CROCC2: variants seen among roughly 807,000 people sequenced by gnomAD.
CROCC2 encodes ciliary rootlet coiled-coil protein 2.
Under a neutral mutation model 177.6 loss-of-function variants are expected in CROCC2, and 163 were observed. That is an observed-to-expected ratio of 0.92 (90% CI 0.81 to 1.05). CROCC2 has a LOEUF of 1.05. Ranked by LOEUF, CROCC2 falls within the 50% of genes least tolerant of loss-of-function variation. The pLI is 0.00. For missense variants in CROCC2, 1,929 were observed against 1,797.8 expected (o/e 1.07, Z -1.32); for synonymous variants, 904 against 787.3 (o/e 1.15, Z -2.48).
intron 27 of CROCC2, among the ~76,000 whole-genome samples, chr2:240,974,664 C>T (rs1349807458): frequency 2.0e-5 from 3 of 151,614 alleles, no homozygotes; most frequent in Non-Finnish European, 2.9e-5. Flanking sequence ...GCCACCACAC[C>T]CAGCCAACAC....
chr2:240,971,609 G>A (rs1470912742), intron 27 of CROCC2, among the ~76,000 whole-genome samples: 1 of 152,124 alleles, frequency 6.6e-6, no homozygotes, highest in African/African-American at 2.4e-5. Context: ...CAAAATGTGG[G>A]CGTGTCGGCC....
intron 1 of CROCC2, among the ~76,000 whole-genome samples, chr2:240,916,077 G>A (rs2059318402): frequency 6.6e-6 from 1 of 152,160 alleles, no homozygotes; most frequent in Admixed American, 6.5e-5. Flanking sequence ...GGCGCAGGTG[G>A]CAGCGCAGAG....
intron 14 of CROCC2, among the ~76,000 whole-genome samples, chr2:240,945,400 T>C (rs1307551447): frequency 3.3e-5 from 5 of 152,216 alleles, no homozygotes; most frequent in African/African-American, 9.6e-5. Context: ...CAACTTGATG[T>C]CTTGTGATAT....
chr2:240,929,142 G>T (rs2059412139), intron 5 of CROCC2, among the ~76,000 whole-genome samples: 1 of 152,150 alleles, frequency 6.6e-6, no homozygotes, highest in Non-Finnish European at 1.5e-5. Flanking sequence ...GGAATCTCAG[G>T]TGTGGGATCA....
chr2:240,962,428 C>T (rs1403331296), intron 20 of CROCC2, among the ~76,000 whole-genome samples: 4 of 151,980 alleles, frequency 2.6e-5, no homozygotes, highest in South Asian at 2.1e-4. Context: ...ACCTTCTGGG[C>T]GGGTTTCTGC....
In CROCC2 at chr2:240,953,962, C is replaced by T. The variant is rs1399059166; in HGVS notation, c.2830-1897C>T. On this transcript the variant is annotated intron_variant, in intron 18 of 31. Transcript: ENST00000690015. This position sits in a 1 kb window ranked among gnomAD's most constrained non-coding sequence, Gnocchi z 4.0. ...TTGCCTAAAATTCTAATAAATACTC[C>T]CTTGCTGTGTCCAGTAATGAGGGGT... 6.6e-6 allele frequency among the ~76,000 whole-genome samples: 1 copy of T among 152,140 alleles called. No homozygotes were observed. Among genetic ancestry groups the T allele is most frequent in the East Asian group, 1.9e-4 (1 of 5,192 alleles).
rs541906873 is a variant in CROCC2, at chr2:240,986,585, G to A, written c.4552-2154G>A. ...CCACCTCCAGCGTCCTGGGGGACTC[G>A]AGCTTGTTCTCCTTGGGAAGTTTGT... On this transcript the variant is annotated intron_variant, in intron 28 of 31. Transcript: ENST00000690015. Among the ~76,000 whole-genome samples the A allele has an allele frequency of 3.9e-5, 6 of 152,348 alleles. 1 individual carries two copies. The highest frequency in any genetic ancestry group is 4.1e-4 in the South Asian group (2 of 4,830).
At chr2:240,971,129 GC>G (rs1210289202) in intron 27 of CROCC2, among the ~76,000 whole-genome samples, 4 of 152,110 alleles carry the variant, frequency 2.6e-5, no homozygotes, top group Non-Finnish European at 5.9e-5. Context: ...TGCACCCCAC[GC>G]CCCCCATCTC....
chr2:240,946,735 C>G (rs2059526851), intron 15 of CROCC2, among the ~76,000 whole-genome samples: 3 of 152,238 alleles, frequency 2.0e-5, no homozygotes, highest in Admixed American at 2.0e-4. Flanking sequence ...CCAGCAGATG[C>G]AGAGCACCCT....
At chr2:240,967,790 C>T (rs1468605089) in intron 26 of CROCC2, among the ~76,000 whole-genome samples, 1 of 152,082 alleles carries the variant, frequency 6.6e-6, no homozygotes. Flanking sequence ...CCTGGCTGTG[C>T]CCTCTGCCTG....
intron 1 of CROCC2, among the ~76,000 whole-genome samples, chr2:240,913,621 G>A (rs1559587326): frequency 6.6e-6 from 1 of 152,262 alleles, no homozygotes; most frequent in Non-Finnish European, 1.5e-5. Context: ...GGTCCTGCCT[G>A]CAGGGGTGGC....
At chr2:240,988,714 G>A in intron 28 of CROCC2, 25 bp from the exon 29 acceptor site, 1 of 1,353,378 alleles carries the variant, frequency 7.4e-7, no homozygotes, top group Non-Finnish European at 9.6e-7. Flanking sequence ...GAGGCCACAG[G>A]TTCTGCCTCC....
chr2:240,958,623 C>T lies in CROCC2; in HGVS notation c.2944-678C>T. On this transcript the variant is annotated intron_variant, in intron 19 of 31. Transcript: ENST00000690015. The surrounding 1 kb of genome is among the most constrained non-coding windows in gnomAD (Gnocchi z 6.7). ...GCTGCCTGGAGGCTTGGTCCAGTCC[C>T]CTGAACCCAGGGGTGCAGAGCCTGA... is the stretch of plus-strand genomic sequence containing the variant. 3.0e-6 allele frequency: 3 copies of T among 984,162 alleles called. No individual in the cohort carries two copies. Among genetic ancestry groups the T allele is most frequent in the Non-Finnish European group, 3.6e-6 (3 of 828,778 alleles). The allele number at this position is 984,162 out of a possible 1,614,324, so 61.0% of individuals were successfully genotyped here. A position where few individuals can be genotyped will look rare whatever the true frequency, so the allele number is the denominator to read the frequency against.
At chr2:240,948,109 G>GAGCTGCCAA (rs2059533986) in intron 15 of CROCC2, among the ~76,000 whole-genome samples, 1 of 152,170 alleles carries the variant, frequency 6.6e-6, no homozygotes, top group Non-Finnish European at 1.5e-5. Context: ...AGAGCTGCCA[G>GAGCTGCCAA]GTGAAGAGAG....
rs1406118514 is a variant in CROCC2, at chr2:240,933,723, C to T, written c.1517C>T (p.Ala506Val). 1.3e-6 allele frequency: 2 copies of T among 1,550,192 alleles called. No homozygotes were observed. The highest frequency in any genetic ancestry group is 1.7e-6 in the Non-Finnish European group (2 of 1,146,866). ...VVEELKGKAD[A>V]ADAEKQGLEA... is the part of the protein sequence containing the mutation. ...GAGGAGCTGAAAGGGAAGGCAGATG[C>T]TGCAGATGCGGAGAAGCAGGGGCTG... The change falls in exon 11 of 32, where the codon GCT (alanine) becomes GTT (valine). Residue 506 changes from alanine to valine, a missense_variant. Ala to Val is a moderately conservative substitution (Grantham distance 64). Transcript: ENST00000690015.
intron 1 of CROCC2, among the ~76,000 whole-genome samples, chr2:240,907,666 C>T (rs1334993647): frequency 3.9e-5 from 6 of 152,176 alleles, no homozygotes; most frequent in Admixed American, 6.5e-5. Flanking sequence ...TTGAATCAGG[C>T]GATGCAACAA....
chr2:240,959,208 C>A, intron 19 of CROCC2, 93 bp from the exon 20 acceptor site: 1 of 1,400,826 alleles, frequency 7.1e-7, no homozygotes. Context: ...CAGGCCACTG[C>A]AACACCTCTC....
At chr2:240,981,871 A>T (rs574787739) in intron 27 of CROCC2, 28 of 152,264 alleles carry the variant, frequency 1.8e-4, no homozygotes, top group African/African-American at 6.5e-4. Flanking sequence ...GCCAACTTGC[A>T]GTCAACAAGC....
intron 2 of CROCC2, 116 bp from the exon 3 acceptor site, chr2:240,919,867 G>A: frequency 1.7e-6 from 1 of 583,968 alleles, no homozygotes; most frequent in Admixed American, 3.1e-5. Context: ...GATGGGGGCA[G>A]GTCCAGCAGC....
Sources: allele counts gnomAD v4.1 joint callset (sites outside exome capture counted in the v4.1 genomes callset), GRCh38; gene constraint gnomAD v4.1.1; non-coding constraint Gnocchi (gnomAD v3.1); transcripts MANE v1.5; gene names NCBI Gene and HGNC (gene_info 2026-07-23, HGNC 2026-07-21).